CHD1: variants seen among roughly 807,000 people sequenced by gnomAD.
CHD1 encodes the protein chromodomain helicase DNA binding protein 1.
CHD1 carries 36 observed loss-of-function variants against 224.2 expected under a neutral mutation model. The observed-to-expected ratio is 0.16, with a 90% CI of 0.12 to 0.21. The LOEUF (loss-of-function observed/expected upper bound fraction) is 0.21. Ranked by LOEUF, CHD1 falls within the 10% of genes least tolerant of loss-of-function variation. The probability of loss-of-function intolerance (pLI) is 1.00; values close to 1 mark genes in which losing one functional copy is unlikely to be tolerated. For synonymous variants in CHD1, 668 were observed against 658.3 expected (o/e 1.01, Z -0.23); for missense variants, 1,378 against 1,994.8 (o/e 0.69, Z 5.89).
At chr5:98,868,686 G>C (rs757495297) in intron 30 of CHD1, 51 bp from the exon 31 acceptor site, 6 of 1,471,774 alleles carry the variant, frequency 4.1e-6, no homozygotes, top group South Asian at 1.4e-5. Flanking sequence ...TAGCAACAAA[G>C]GCAAAATGAC....
At chr5:98,872,312 CTTTT>C in intron 27 of CHD1, 101 bp downstream of exon 27, 1 of 1,292,626 alleles carries the variant, frequency 7.7e-7, no homozygotes, top group South Asian at 1.5e-5. Flanking sequence ...TTATTTCTTC[CTTTT>C]TTTTTTCAAA....
At chr5:98,920,277 TG>T (rs568322344) in intron 2 of CHD1, among the ~76,000 whole-genome samples, 11 of 152,120 alleles carry the variant, frequency 7.2e-5, no homozygotes, top group Non-Finnish European at 1.5e-4. Context: ...CCAACCCTCT[TG>T]AAAGTAGGCT....
intron 2 of CHD1, among the ~76,000 whole-genome samples, chr5:98,923,666 G>A (rs1415608721): frequency 1.3e-5 from 2 of 152,098 alleles, no homozygotes; most frequent in East Asian, 1.9e-4. Context: ...TGCCTGCTCG[G>A]CCTCCCAAAG....
At position 98,898,708 on chromosome 5, in the gene CHD1, G is replaced by GT; in HGVS notation, c.1141dup (p.Thr381AsnfsTer3). The GT allele has an allele frequency of 6.3e-7, 1 of 1,597,150 alleles. No individual in the cohort carries two copies. Among genetic ancestry groups the GT allele is most frequent in the East Asian group, 2.2e-5 (1 of 44,730 alleles). ...TTGATACTGTTTATGTAGATCATCT[G>GT]TAAGTTCTTGCTGGCAATTATAATA... On this transcript the variant is annotated frameshift_variant, in exon 9 of 36. Coordinates refer to ENST00000614616, the MANE Select transcript of CHD1 (RefSeq NM_001270.4). LOFTEE classifies it high-confidence loss of function.
At chr5:98,884,721 CT>C (rs375839054) in intron 18 of CHD1, among the ~76,000 whole-genome samples, 609 of 142,070 alleles carry the variant, frequency 4.3e-3, no homozygotes, top group African/African-American at 5.4e-3. Context: ...TTTTCTTTCC[CT>C]TTTTTTTTTT....
intron 2 of CHD1, among the ~76,000 whole-genome samples, chr5:98,925,840 G>C (rs1753420041): frequency 6.6e-6 from 1 of 150,760 alleles, no homozygotes; most frequent in Non-Finnish European, 1.5e-5. Flanking sequence ...TGATTATTCA[G>C]CACTTGAAAT....
intron 5 of CHD1, among the ~76,000 whole-genome samples, chr5:98,901,878 T>C (rs969599209): frequency 6.6e-6 from 1 of 152,110 alleles, no homozygotes; most frequent in African/African-American, 2.4e-5. Context: ...ATAATGGATG[T>C]TAATATTTTG....
At chr5:98,860,408 A>G (rs1476282290) in intron 32 of CHD1, 2 of 313,238 alleles carry the variant, frequency 6.4e-6, no homozygotes, top group East Asian at 1.7e-4. Context: ...GATTATGCAT[A>G]TAAGGGACAG....
chr5:98,870,626 G>T, intron 29 of CHD1, 61 bp downstream of exon 29: 1 of 889,060 alleles, frequency 1.1e-6, no homozygotes, highest in Non-Finnish European at 1.8e-6. Flanking sequence ...GCATGGTGAA[G>T]TAAACAAAAT....
chr5:98,858,436 G>A, intron 34 of CHD1, 46 bp from the exon 35 acceptor site: 5 of 1,505,880 alleles, frequency 3.3e-6, no homozygotes, highest in South Asian at 1.2e-5. Context: ...AAAATAATGT[G>A]GCAAAAAAAA....
At chr5:98,867,774 T>C (rs1289377008) in intron 31 of CHD1, among the ~76,000 whole-genome samples, 1 of 150,598 alleles carries the variant, frequency 6.6e-6, no homozygotes, top group Non-Finnish European at 1.5e-5. Context: ...GGGCCCACCT[T>C]GGCCTCCTTT....
At position 98,892,552 on chromosome 5, in the gene CHD1, A is replaced by G; in HGVS notation, c.2153T>C (p.Met718Thr). The G allele has an allele frequency of 6.2e-7, 1 of 1,613,648 alleles. No homozygotes were observed. Residue 718 changes from methionine to threonine, a missense_variant, in exon 15 of 36, where the codon ATG becomes ACG. By Grantham distance (81) the Met-to-Thr change is moderately conservative. This residue lies in a region of CHD1 where 58 missense variants were observed against 90.0 expected (regional missense o/e 0.64). Coordinates refer to ENST00000614616, the MANE Select transcript of CHD1 (RefSeq NM_001270.4). ...GTAATATTGTTTCTGTAAAGCACTCATTTCCATTCTTAAAATCTGCTCAAC... is the reference window on the plus strand; with the variant it reads ...GTAATATTGTTTCTGTAAAGCACTCGTTTCCATTCTTAAAATCTGCTCAAC... ...AKVEQILRME[M>T]SALQKQYYKW...
At chr5:98,917,044 T>C (rs1752777214) in intron 2 of CHD1, among the ~76,000 whole-genome samples, 1 of 152,148 alleles carries the variant, frequency 6.6e-6, no homozygotes, top group Non-Finnish European at 1.5e-5. Context: ...CTCCTTGTTT[T>C]AGGCTTGTAG....
In CHD1 at chr5:98,886,029, C is replaced by A. The variant is rs141664254; in HGVS notation, c.2497-380G>T. ...CAAAATGTTGGTGCAACCCATTAAA[C>A]TGATTCACAGATCCATTAACAGGTT... On this transcript the variant is annotated intron_variant, in intron 17 of 35. Coordinates refer to ENST00000614616, the MANE Select transcript of CHD1 (RefSeq NM_001270.4). The A allele has an allele frequency of 1.7e-3, 279 of 163,454 alleles. 1 individual carries two copies. The highest frequency in any genetic ancestry group is 6.2e-3 in the African/African-American group (258 of 41,904). 10.1% of individuals were successfully genotyped at this position (163,454 alleles called of 1,614,324 possible).
intron 31 of CHD1, 106 bp from the exon 32 acceptor site, chr5:98,863,692 G>C: frequency 1.5e-6 from 1 of 667,504 alleles, no homozygotes; most frequent in South Asian, 2.3e-5. Flanking sequence ...TTATAACACT[G>C]TTTGATAGCA....
intron 31 of CHD1, among the ~76,000 whole-genome samples, chr5:98,867,046 T>TA (rs1412059928): frequency 9.9e-5 from 15 of 152,192 alleles, no homozygotes. Context: ...TCTTCATACT[T>TA]ACTTACCAAA....
At chr5:98,876,375 G>A (rs374844888) in intron 24 of CHD1, 23 bp downstream of exon 24, 6 of 1,602,950 alleles carry the variant, frequency 3.7e-6, no homozygotes, top group African/African-American at 1.3e-5. Flanking sequence ...CCAAGTTGAA[G>A]CGATTGTCTT....
At position 98,883,244 on chromosome 5, in the gene CHD1, G is replaced by GA; in HGVS notation, c.2569-8dup. 1 of 1,567,580 alleles carries GA rather than the reference G, an allele frequency of 6.4e-7. No homozygotes were observed. The highest frequency in any genetic ancestry group is 1.2e-5 in the South Asian group (1 of 84,076). ...ACAGCAAAAAGCAAAAATCCTGTAAGAAATTGAATAATCAAAATGAAAAAT... is the reference window on the plus strand; with the variant it reads ...ACAGCAAAAAGCAAAAATCCTGTAAGAAAATTGAATAATCAAAATGAAAAAT... On this transcript the variant is annotated splice_polypyrimidine_tract_variant and splice_region_variant and intron_variant, in intron 18 of 35. Coordinates refer to ENST00000614616, the MANE Select transcript of CHD1 (RefSeq NM_001270.4).
intron 2 of CHD1, among the ~76,000 whole-genome samples, chr5:98,923,282 A>G (rs1753226478): frequency 6.6e-6 from 1 of 152,240 alleles, no homozygotes; most frequent in Non-Finnish European, 1.5e-5. Context: ...TAACTTGATA[A>G]CCACACTTTT....
Sources: gnomAD v4.1 joint callset for allele counts (sites outside exome capture counted in the v4.1 genomes callset) on GRCh38, gnomAD v4.1.1 for gene constraint, gnomAD v4.1.1 regional missense constraint, MANE v1.5 for transcripts, NCBI Gene and HGNC (gene_info 2026-07-23, HGNC 2026-07-21) for gene names.